Variants in TOPAZ1 observed in about 807,000 individuals in gnomAD.
TOPAZ1 encodes the protein protein TOPAZ1.
Under a neutral mutation model 172.2 loss-of-function variants are expected in TOPAZ1, and 66 were observed. The observed-to-expected ratio is 0.38, with a 90% CI of 0.31 to 0.47. The LOEUF (loss-of-function observed/expected upper bound fraction) is 0.47, where lower values mean the gene tolerates loss of function less well. Among genes scored for constraint, TOPAZ1 ranks in the 20% least tolerant of loss-of-function variants. The probability of loss-of-function intolerance (pLI) is 0.99; values close to 1 mark genes in which losing one functional copy is unlikely to be tolerated. For missense variants in TOPAZ1, 1,822 were observed against 1,972.4 expected, an observed-to-expected ratio of 0.92 and a Z score of 1.44; for synonymous variants, 681 against 683.9, an observed-to-expected ratio of 1.00 and a Z score of 0.07.
chr3:44,307,773 T>A (rs551616107), intron 15 of TOPAZ1, among the ~76,000 whole-genome samples: 17 of 152,144 alleles, frequency 1.1e-4, no homozygotes, highest in South Asian at 4.2e-4. Context: ...AAGAAAAAAA[T>A]TTTTAACCTA....
chr3:44,246,628 C>T (rs75900098), intron 2 of TOPAZ1, among the ~76,000 whole-genome samples: 206 of 152,234 alleles, frequency 1.4e-3, no homozygotes, highest in African/African-American at 4.6e-3. Flanking sequence ...ACAAATTTGT[C>T]ACTTGCCCAA....
rs1700379490 is a variant in TOPAZ1 at position 44,309,906 on chromosome 3, G to A, written c.4222G>A (p.Ala1408Thr). ...LKGLIGPEKL[A>T]SRCQIVNVAA... is the part of the protein sequence containing the mutation. ...AGGACTTATAGGGCCTGAGAAGTTA[G>A]CATCAAGATGTCAAATTGTGAATGT... is the stretch of plus-strand genomic sequence containing the variant. The change falls in exon 16 of 20, where the codon GCA becomes ACA. Residue 1408 changes from alanine to threonine, a missense_variant. Ala to Thr is a moderately conservative substitution (Grantham distance 58, BLOSUM62 0). Around this residue, in one of 2 missense-constraint regions of TOPAZ1, gnomAD observed 333 missense variants for 481.7 expected, o/e 0.69. Coordinates refer to ENST00000309765, the MANE Select transcript of TOPAZ1 (RefSeq NM_001145030.2). The A allele has an allele frequency of 6.4e-7, 1 of 1,551,268 alleles. No homozygotes were observed. Among genetic ancestry groups the A allele is most frequent in the Non-Finnish European group, 8.7e-7 (1 of 1,146,710 alleles).
intron 12 of TOPAZ1, among the ~76,000 whole-genome samples, chr3:44,298,918 T>TG (rs1559541900): frequency 3.5e-4 from 15 of 42,532 alleles, no homozygotes; most frequent in African/African-American, 1.3e-3. Context: ...TATTTTTTTT[T>TG]TTTTTTTTTT....
intron 17 of TOPAZ1, among the ~76,000 whole-genome samples, chr3:44,322,163 A>C (rs1700545269): frequency 6.6e-6 from 1 of 152,230 alleles, no homozygotes; most frequent in African/African-American, 2.4e-5. Flanking sequence ...TAACTAAAAG[A>C]TTCTAAAGCA....
rs1700376582 is a variant in TOPAZ1 at position 44,309,682 on chromosome 3, A to G, written c.4141-143A>G. On this transcript the variant is annotated intron_variant, in intron 15 of 19. Coordinates refer to ENST00000309765, the MANE Select transcript of TOPAZ1 (RefSeq NM_001145030.2). ...GTATGGCTGAACAGGAAGGGGCTTAAGGAAAGAGTCTTGGAGCAGCTTAAC... is the reference window on the plus strand; with the variant it reads ...GTATGGCTGAACAGGAAGGGGCTTAGGGAAAGAGTCTTGGAGCAGCTTAAC... The G allele has an allele frequency of 1.3e-5, 8 of 630,186 alleles. No homozygotes were observed. In the South Asian group the frequency reaches 1.8e-4, roughly 14 times the overall value. The allele number at this position is 630,186 out of a possible 1,614,324, so 39.0% of individuals were successfully genotyped here.
intron 8 of TOPAZ1, among the ~76,000 whole-genome samples, chr3:44,281,259 G>T (rs1371344577): frequency 6.6e-6 from 1 of 152,074 alleles, no homozygotes; most frequent in Non-Finnish European, 1.5e-5. Flanking sequence ...CATCCATTTG[G>T]CTCACCATGC....
At position 44,287,408 on chromosome 3, in the gene TOPAZ1, C is replaced by T; in HGVS notation, c.3456C>T (p.Tyr1152=). The T allele has an allele frequency of 6.7e-7, 1 of 1,498,912 alleles. No individual in the cohort carries two copies. Among genetic ancestry groups the T allele is most frequent in the Non-Finnish European group, 8.9e-7 (1 of 1,120,492 alleles). The allele number at this position is 1,498,912 out of a possible 1,614,324, so 92.9% of individuals were successfully genotyped here. ...TTTCAGTAAACATATTTATGGAGTA[C>T]TACAGAAAGTTTCCCCCAGGTGTAT... ...LQRAVNIFME[Y]YRKFPPGVYF... is the part of the protein sequence containing the mutation. The change falls in exon 10 of 20, where the codon TAC becomes TAT. Residue 1152 remains tyrosine, a synonymous_variant. Transcript: ENST00000309765.
chr3:44,264,393 A>C (rs1423556958), intron 5 of TOPAZ1, among the ~76,000 whole-genome samples: 2 of 152,274 alleles, frequency 1.3e-5, no homozygotes, highest in African/African-American at 4.8e-5. Flanking sequence ...ACTTTAGTCT[A>C]TTAAGTGTGC....
intron 5 of TOPAZ1, 36 bp from the exon 6 acceptor site, chr3:44,266,961 A>G: frequency 2.8e-6 from 4 of 1,434,932 alleles, no homozygotes; most frequent in Non-Finnish European, 3.7e-6. Flanking sequence ...TTAAAAATAC[A>G]TTTAAATTCT....
intron 9 of TOPAZ1, among the ~76,000 whole-genome samples, chr3:44,282,423 G>A (rs766490278): frequency 2.6e-5 from 4 of 152,144 alleles, no homozygotes; most frequent in Non-Finnish European, 5.9e-5. Flanking sequence ...GTTCTGTGCA[G>A]TTCCCTATAC....
chr3:44,305,071 C>G, intron 13 of TOPAZ1, 76 bp from the exon 14 acceptor site: 2 of 1,096,202 alleles, frequency 1.8e-6, no homozygotes, highest in Admixed American at 3.0e-5. Context: ...CATGCTTTGC[C>G]CTAAAGACAT....
chr3:44,272,092 C>T (rs1699905175), intron 8 of TOPAZ1, among the ~76,000 whole-genome samples: 1 of 152,070 alleles, frequency 6.6e-6, no homozygotes, highest in African/African-American at 2.4e-5. Flanking sequence ...TTTTATAAGG[C>T]TGAATAGTAT....
chr3:44,261,930 A>G (rs550818803), intron 4 of TOPAZ1, among the ~76,000 whole-genome samples: 2 of 152,124 alleles, frequency 1.3e-5, no homozygotes, highest in South Asian at 4.1e-4. Flanking sequence ...TGTTTTTTCA[A>G]AAGTTTAATA....
At chr3:44,301,699 AG>A (rs1330335287) in intron 12 of TOPAZ1, among the ~76,000 whole-genome samples, 10 of 151,852 alleles carry the variant, frequency 6.6e-5, no homozygotes, top group East Asian at 1.9e-4. Context: ...TTTTTCTATT[AG>A]GTTTTGGTTT....
chr3:44,287,905 G>A (rs1221299539), intron 11 of TOPAZ1, 66 bp downstream of exon 11: 2 of 751,196 alleles, frequency 2.7e-6, no homozygotes, highest in Non-Finnish European at 4.3e-6. Flanking sequence ...GTTTCCATGG[G>A]GGGGTACCCT....
Position 44,245,031 on chromosome 3 carries a change from C to A in TOPAZ1, c.2525C>A (p.Thr842Asn). 2 of 1,551,644 alleles carry A rather than the reference C, an allele frequency of 1.3e-6. No homozygotes were observed. Among genetic ancestry groups the A allele is most frequent in the Non-Finnish European group, 1.7e-6 (2 of 1,146,964 alleles). Residue 842 changes from threonine (T) to asparagine (N), a missense_variant, in exon 2 of 20, where the codon ACT becomes AAT. This residue lies in a region of TOPAZ1 where 1,489 missense variants were observed against 1,490.8 expected (regional missense o/e 1.00). Transcript: ENST00000309765. The stretch of plus-strand genomic sequence containing the variant: ...AGTGAAGTTAGGGGTAGAAAAATAA[C>A]TAAGAATTTTTCAGAGGTAGGGTTT... ...VSSEVRGRKI[T>N]KNFSEVGFPD...
At chr3:44,278,290 G>A (rs1699985985) in intron 8 of TOPAZ1, among the ~76,000 whole-genome samples, 1 of 152,044 alleles carries the variant, frequency 6.6e-6, no homozygotes, top group Admixed American at 6.6e-5. Flanking sequence ...ATATTTTGTT[G>A]AGAATTTTTG....
chr3:44,312,487 CA>C (rs1700407739), intron 16 of TOPAZ1, among the ~76,000 whole-genome samples: 1 of 152,062 alleles, frequency 6.6e-6, no homozygotes, highest in Non-Finnish European at 1.5e-5. Flanking sequence ...ACTGAATTTG[CA>C]AAAGATGGAG....
At chr3:44,294,034 A>G (rs1487165064) in intron 12 of TOPAZ1, among the ~76,000 whole-genome samples, 1 of 152,158 alleles carries the variant, frequency 6.6e-6, no homozygotes, top group African/African-American at 2.4e-5. Flanking sequence ...TGAGGTTGGG[A>G]GTTTGAGACT....
Sources: allele counts gnomAD v4.1 joint callset (sites outside exome capture counted in the v4.1 genomes callset), GRCh38; gene constraint gnomAD v4.1.1; regional missense constraint gnomAD v4.1.1; transcripts MANE v1.5; gene names NCBI Gene and HGNC (gene_info 2026-07-23, HGNC 2026-07-21).